The following ATOH8 variants were observed in gnomAD, a reference collection of about 807,000 sequenced individuals.
ATOH8 encodes the protein atonal bHLH transcription factor 8, also known as transcription factor ATOH8.
Under a neutral mutation model 21.2 loss-of-function variants are expected in ATOH8, and 9 were observed. The ratio of observed to expected loss-of-function variants is 0.42; its 90% CI spans 0.26 to 0.74. ATOH8 has a LOEUF of 0.74. Among genes scored for constraint, ATOH8 ranks in the 30% least tolerant of loss-of-function variants. The probability of loss-of-function intolerance (pLI) is 0.24; values close to 1 mark genes in which losing one functional copy is unlikely to be tolerated. For missense variants in ATOH8, 524 were observed against 470.9 expected (o/e 1.11, Z -1.04); for synonymous variants, 253 against 224.0 (o/e 1.13, Z -1.16).
Position 85,754,219 on chromosome 2 carries a change from G to A in ATOH8, c.30G>A (p.Gly10=), listed in dbSNP as rs765660793. The change falls in exon 1 of 3, where the codon GGG becomes GGA. Residue 10 remains glycine (G), a synonymous_variant. Transcript: ENST00000306279. ...AGCACATCCCGGTCCTCGAGGACGG[G>A]CCGTGGAAGACCGTGTGCGTGAAGG... MKHIPVLED[G]PWKTVCVKEL... is the part of the protein sequence containing the mutation. 12 of 1,602,464 alleles carry A rather than the reference G, an allele frequency of 7.5e-6. No individual in the cohort carries two copies. In the South Asian group the frequency reaches 9.9e-5, roughly 13 times the overall value.
At chr2:85,758,984 C>T (rs759834160) in intron 1 of ATOH8, among the ~76,000 whole-genome samples, 1 of 152,204 alleles carries the variant, frequency 6.6e-6, no homozygotes, top group Non-Finnish European at 1.5e-5. Context: ...TCTCTCCCTT[C>T]AGGGTCCCTC....
chr2:85,782,532 C>A (rs1360348228), intron 2 of ATOH8, among the ~76,000 whole-genome samples: 3 of 152,052 alleles, frequency 2.0e-5, no homozygotes, highest in African/African-American at 4.8e-5. Flanking sequence ...ACAATTACCA[C>A]AACTTCCCTG....
rs368293411 is a variant in ATOH8, at chr2:85,754,721, A to C, written c.532A>C (p.Thr178Pro). The C allele has an allele frequency of 3.1e-5, 50 of 1,611,820 alleles. No homozygotes were observed. The highest frequency in any genetic ancestry group is 4.0e-5 in the Non-Finnish European group (47 of 1,179,494). ...AGCACCGCCAGCGCCCCCGGAGTCCACTGTGCGCCCTGCGCCCCCGACGCG... is the reference window on the plus strand; with the variant it reads ...AGCACCGCCAGCGCCCCCGGAGTCCCCTGTGCGCCCTGCGCCCCCGACGCG... ...PPAPPAPPESTVRPAPPTRPG... is the reference protein window; with the variant it reads ...PPAPPAPPESPVRPAPPTRPG... The change falls in exon 1 of 3, where the codon ACT becomes CCT. Residue 178 changes from threonine to proline, a missense_variant. By Grantham distance (38) the Thr-to-Pro change is conservative. Coordinates refer to ENST00000306279, the MANE Select transcript of ATOH8 (RefSeq NM_032827.7).
chr2:85,756,797 C>T (rs1053454059), intron 1 of ATOH8, among the ~76,000 whole-genome samples: 1 of 152,178 alleles, frequency 6.6e-6, no homozygotes, highest in African/African-American at 2.4e-5. Flanking sequence ...CCAAATGCTT[C>T]CCACAGTGCC....
rs1680598044 is a variant in ATOH8 at position 85,785,332 on chromosome 2, A to G, written c.961-1553A>G. 6.6e-6 allele frequency among the ~76,000 whole-genome samples: 1 copy of G among 152,248 alleles called. No individual in the cohort carries two copies. Among genetic ancestry groups the G allele is most frequent in the Non-Finnish European group, 1.5e-5 (1 of 68,042 alleles). On this transcript the variant is annotated intron_variant, in intron 2 of 2. Coordinates refer to ENST00000306279, the MANE Select transcript of ATOH8 (RefSeq NM_032827.7). The surrounding 1 kb of genome is among the most constrained non-coding windows in gnomAD (Gnocchi z 4.1). ...TTAATCCTCCTCCTCAGACTCGGTAACACAAAGCAGATTCCTGCTGGGGCC... is the reference window on the plus strand; with the variant it reads ...TTAATCCTCCTCCTCAGACTCGGTAGCACAAAGCAGATTCCTGCTGGGGCC...
Position 85,785,498 on chromosome 2 carries a change from C to T in ATOH8, c.961-1387C>T, listed in dbSNP as rs1007460860. ...CTCCCTCTGGCCCGGCTCCCTCGCC[C>T]TCCTTGGACCCCACTTCAGCCTTGC... is the stretch of plus-strand genomic sequence containing the variant. On this transcript the variant is annotated intron_variant, in intron 2 of 2. Transcript: ENST00000306279. The surrounding 1 kb of genome is among the most constrained non-coding windows in gnomAD (Gnocchi z 4.1). Among the ~76,000 whole-genome samples the T allele has an allele frequency of 2.0e-5, 3 of 152,242 alleles. No homozygotes were observed. Among genetic ancestry groups the T allele is most frequent in the Non-Finnish European group, 4.4e-5 (3 of 68,034 alleles).
rs769953816 is a variant in ATOH8, at chr2:85,754,760, T to C, written c.571T>C (p.Ser191Pro). ...GCCCCCGACGCGCCCCGGGGAAAGT[T>C]CCTACTCGTCAATTTCACACGTAAT... ...PAPPTRPGES[S>P]YSSISHVIYN... The change falls in exon 1 of 3, where the codon TCC becomes CCC. Residue 191 changes from serine to proline, a missense_variant. Coordinates refer to ENST00000306279, the MANE Select transcript of ATOH8 (RefSeq NM_032827.7). The C allele has an allele frequency of 5.0e-6, 8 of 1,612,868 alleles. No homozygotes were observed. In the East Asian group the frequency reaches 1.8e-4, roughly 36 times the overall value.
chr2:85,761,832 T>C (rs1679879188), intron 1 of ATOH8, among the ~76,000 whole-genome samples: 1 of 152,180 alleles, frequency 6.6e-6, no homozygotes. Flanking sequence ...CAGGATTCCC[T>C]GGACTCTGGC....
In ATOH8 at chr2:85,766,393, C is replaced by T. The variant is rs373742830; in HGVS notation, c.960+2211C>T. Among the ~76,000 whole-genome samples the T allele has an allele frequency of 3.9e-5, 6 of 151,958 alleles. No homozygotes were observed. The highest frequency in any genetic ancestry group is 1.5e-4 in the African/African-American group (6 of 41,376). On this transcript the variant is annotated intron_variant, in intron 2 of 2. Transcript: ENST00000306279. This position sits in a 1 kb window ranked among gnomAD's most constrained non-coding sequence, Gnocchi z 4.0. ...TCCTGCCTCCTGCCCTCAGTCTTTC[C>T]CAGCTGGGTGAGGAGGTCACCCAGC...
intron 2 of ATOH8, among the ~76,000 whole-genome samples, chr2:85,765,807 G>A (rs916067728): frequency 6.6e-6 from 1 of 152,200 alleles, no homozygotes; most frequent in African/African-American, 2.4e-5. Context: ...GAGGCTGGAT[G>A]CCTGGCTGGT....
chr2:85,755,765 G>C (rs113548658), intron 1 of ATOH8, among the ~76,000 whole-genome samples: 3,332 of 152,204 alleles, frequency 0.022, 136 homozygotes, highest in African/African-American at 0.076. Flanking sequence ...GGTGGGGCGG[G>C]ACAATCGCTT....
Position 85,763,840 on chromosome 2 carries a change from G to GTGTT in ATOH8, c.769-148_769-147insTTGT, listed in dbSNP as rs1466909033. The GTGTT allele has an allele frequency of 2.2e-5, 14 of 644,596 alleles. No individual in the cohort carries two copies. In the South Asian group the frequency reaches 2.6e-4, roughly 12 times the overall value. 39.9% of individuals were successfully genotyped at this position (644,596 alleles called of 1,614,324 possible). A position where few individuals can be genotyped will look rare whatever the true frequency, so the allele number is the denominator to read the frequency against. On this transcript the variant is annotated intron_variant, in intron 1 of 2. Coordinates refer to ENST00000306279, the MANE Select transcript of ATOH8 (RefSeq NM_032827.7). ...AGCTGACGTGTGTGTGTGTGTGTGT[G>GTGTT]TGTGTGTGTGTGTGTGTAAACAGCA...
At chr2:85,761,734 G>A (rs1163527688) in intron 1 of ATOH8, among the ~76,000 whole-genome samples, 2 of 152,224 alleles carry the variant, frequency 1.3e-5, no homozygotes, top group Non-Finnish European at 1.5e-5. Flanking sequence ...CTGGGGTGAA[G>A]AGGAGGCAGA....
chr2:85,769,692 G>T (rs1035432796), intron 2 of ATOH8, among the ~76,000 whole-genome samples: 2 of 152,300 alleles, frequency 1.3e-5, no homozygotes, highest in East Asian at 3.9e-4. Context: ...TGAGCTGAGG[G>T]TGTGTAGGAG....
rs1047403460 is a variant in ATOH8 at position 85,766,619 on chromosome 2, C to T, written c.960+2437C>T. Among the ~76,000 whole-genome samples the T allele has an allele frequency of 2.0e-5, 3 of 152,170 alleles. No homozygotes were observed. Among genetic ancestry groups the T allele is most frequent in the African/African-American group, 4.8e-5 (2 of 41,432 alleles). On this transcript the variant is annotated intron_variant, in intron 2 of 2. Transcript: ENST00000306279. This position sits in a 1 kb window ranked among gnomAD's most constrained non-coding sequence, Gnocchi z 4.0. ...AGCCCCTTCCATAGTTTTATCTGGA[C>T]GACCAGGATTTGACACGGCAGCCTT...
intron 2 of ATOH8, chr2:85,774,426 G>A (rs777238598): frequency 8.3e-5 from 82 of 985,390 alleles, no homozygotes; most frequent in Non-Finnish European, 9.5e-5. Context: ...CTTTCTACCT[G>A]CCCCAGCAGA....
At chr2:85,782,524 A>G (rs776632896) in intron 2 of ATOH8, among the ~76,000 whole-genome samples, 2 of 152,224 alleles carry the variant, frequency 1.3e-5, no homozygotes, top group Non-Finnish European at 2.9e-5. Context: ...GGTTCATAAC[A>G]ATTACCACAA....
chr2:85,756,386 G>A (rs562315528), intron 1 of ATOH8, among the ~76,000 whole-genome samples: 77 of 152,290 alleles, frequency 5.1e-4, no homozygotes, highest in Non-Finnish European at 8.5e-4. Flanking sequence ...AAGGATAACA[G>A]AAGGGCAGAG....
rs114362114 is a variant in ATOH8 at position 85,768,266 on chromosome 2, T to C, written c.960+4084T>C. On this transcript the variant is annotated intron_variant, in intron 2 of 2. Transcript: ENST00000306279. ...AATGAGCCACGCTTGCCGCTCCATG[T>C]GCTGTGGCTGTGGAAGCCTGCCTGG... 9.5e-3 allele frequency among the ~76,000 whole-genome samples: 1,442 copies of C among 152,356 alleles called. 28 individuals carry two copies. Among genetic ancestry groups the C allele is most frequent in the African/African-American group, 0.033 (1,368 of 41,590 alleles).
Sources: allele counts gnomAD v4.1 joint callset (sites outside exome capture counted in the v4.1 genomes callset), GRCh38; gene constraint gnomAD v4.1.1; non-coding constraint Gnocchi (gnomAD v3.1); transcripts MANE v1.5; gene names NCBI Gene and HGNC (gene_info 2026-07-23, HGNC 2026-07-21).